LRMDA: variants seen among roughly 807,000 people sequenced by gnomAD.
The protein encoded by LRMDA is leucine rich melanocyte differentiation associated, also known as leucine-rich melanocyte differentiation-associated protein.
LRMDA carries 18 observed loss-of-function variants against 29.8 expected under a neutral mutation model. That is an observed-to-expected ratio of 0.60 (90% CI 0.42 to 0.90). LRMDA has a LOEUF of 0.90. LRMDA is among the 40% of genes least tolerant of loss of function. LRMDA has a pLI of 0.00. For synonymous variants in LRMDA, 125 were observed against 109.4 expected (o/e 1.14, Z -0.89); for missense variants, 273 against 273.9 (o/e 1.00, Z 0.02).
At chr10:76,292,436 A>T (rs1383746310) in intron 5 of LRMDA, among the ~76,000 whole-genome samples, 1 of 152,046 alleles carries the variant, frequency 6.6e-6, no homozygotes, top group Non-Finnish European at 1.5e-5. Context: ...TGTTGCTTCC[A>T]GTTCACAGGG....
At chr10:76,410,306 T>C (rs886746088) in intron 6 of LRMDA, among the ~76,000 whole-genome samples, 3 of 127,414 alleles carry the variant, frequency 2.4e-5, no homozygotes, top group African/African-American at 6.0e-5. Context: ...TTCTTTTTTT[T>C]TTTTTTTTTT....
chr10:75,438,389 T>C lies in LRMDA; in HGVS notation c.31-5T>C. 1.3e-6 allele frequency: 2 copies of C among 1,549,572 alleles called. No individual in the cohort carries two copies. On this transcript the variant is annotated splice_region_variant and splice_polypyrimidine_tract_variant and intron_variant, in intron 1 of 6. Coordinates refer to ENST00000611255, the MANE Select transcript of LRMDA (RefSeq NM_001305581.2). Reference sequence around the variant, plus strand: ...CACATTGTTTCTGTTCCATTTAATTTCCAGGTGTCCTACATAGGCCAGGAC... The same window carrying C: ...CACATTGTTTCTGTTCCATTTAATTCCCAGGTGTCCTACATAGGCCAGGAC...
At chr10:75,590,287 G>A (rs968055836) in intron 2 of LRMDA, among the ~76,000 whole-genome samples, 3 of 152,084 alleles carry the variant, frequency 2.0e-5, no homozygotes, top group Non-Finnish European at 4.4e-5. Context: ...CCAAAGTTCT[G>A]GGATTACAGG....
intron 2 of LRMDA, among the ~76,000 whole-genome samples, chr10:76,032,889 G>T (rs575723592): frequency 1.5e-4 from 23 of 152,216 alleles, no homozygotes; most frequent in African/African-American, 5.3e-4. Context: ...CTCCACCGGG[G>T]ATCTGGTTTT....
At chr10:75,807,801 A>G (rs771438894) in intron 2 of LRMDA, among the ~76,000 whole-genome samples, 1 of 152,222 alleles carries the variant, frequency 6.6e-6, no homozygotes, top group Non-Finnish European at 1.5e-5. Context: ...TTGATTCTAA[A>G]TAGGGAGTGT....
intron 2 of LRMDA, among the ~76,000 whole-genome samples, chr10:75,550,111 GA>G (rs1840124187): frequency 1.3e-5 from 2 of 152,148 alleles, no homozygotes; most frequent in African/African-American, 4.8e-5. Context: ...CATTTGCTCA[GA>G]AACTAGTCTG....
intron 5 of LRMDA, among the ~76,000 whole-genome samples, chr10:76,264,286 A>G (rs1266440311): frequency 2.0e-5 from 3 of 151,786 alleles, no homozygotes; most frequent in Non-Finnish European, 2.9e-5. Flanking sequence ...TGTAGTCTGT[A>G]GTCCCAGCTA....
chr10:75,602,661 G>A (rs1460932704), intron 2 of LRMDA, among the ~76,000 whole-genome samples: 1 of 152,140 alleles, frequency 6.6e-6, no homozygotes, highest in Non-Finnish European at 1.5e-5. Context: ...TCTTTCAGAT[G>A]ACTTTCATGT....
chr10:75,687,290 G>A (rs1377302387), intron 2 of LRMDA, among the ~76,000 whole-genome samples: 2 of 152,182 alleles, frequency 1.3e-5, no homozygotes, highest in East Asian at 1.9e-4. Flanking sequence ...TGAAAGCAAA[G>A]GGAGAGTTCT....
chr10:76,289,478 T>C (rs765093800), intron 5 of LRMDA, among the ~76,000 whole-genome samples: 3 of 152,142 alleles, frequency 2.0e-5, no homozygotes, highest in Non-Finnish European at 4.4e-5. Flanking sequence ...TCCACAGACA[T>C]GGAGCATTTC....
intron 2 of LRMDA, among the ~76,000 whole-genome samples, chr10:75,722,043 G>A (rs1490030163): frequency 6.6e-6 from 1 of 152,044 alleles, no homozygotes; most frequent in Non-Finnish European, 1.5e-5. Context: ...TATAAAAAAT[G>A]GCCCAAATCC....
rs527484719 is a variant in LRMDA, at chr10:75,919,878, C to T, written c.132-116130C>T. On this transcript the variant is annotated intron_variant, in intron 2 of 6. Coordinates refer to ENST00000611255, the MANE Select transcript of LRMDA (RefSeq NM_001305581.2). ...GGGGCCTTCTGATGCTTCTCTGACA[C>T]GTCCGAGTAGGCAGCATTTTTTTTT... Among the ~76,000 whole-genome samples the T allele has an allele frequency of 3.5e-3, 535 of 152,216 alleles. 1 individual carries two copies. The highest frequency in any genetic ancestry group is 4.8e-3 in the Non-Finnish European group (326 of 68,014).
intron 6 of LRMDA, among the ~76,000 whole-genome samples, chr10:76,350,629 A>G (rs1331003579): frequency 2.0e-5 from 3 of 152,066 alleles, no homozygotes; most frequent in African/African-American, 7.2e-5. Flanking sequence ...CTGTATCTCT[A>G]GGAGAACAAG....
Position 75,927,148 on chromosome 10 carries a change from A to G in LRMDA, c.132-108860A>G, listed in dbSNP as rs141474763. Among the ~76,000 whole-genome samples the G allele has an allele frequency of 3.1e-3, 479 of 152,334 alleles. 5 individuals carry two copies. Among genetic ancestry groups the G allele is most frequent in the African/African-American group, 0.011 (463 of 41,566 alleles). ...TGCCTCAGCTCAGGGGTCTCCAGCG[A>G]TAGGGAATTCATTATACCCAGAAGC... On this transcript the variant is annotated intron_variant, in intron 2 of 6. Transcript: ENST00000611255.
intron 2 of LRMDA, among the ~76,000 whole-genome samples, chr10:75,682,449 GAGAC>G (rs774879842): frequency 2.7e-5 from 4 of 150,688 alleles, no homozygotes; most frequent in Non-Finnish European, 5.9e-5. Context: ...GTGTGTGTGT[GAGAC>G]AGACACACAC....
chr10:75,484,460 G>T (rs1589156771), intron 2 of LRMDA, among the ~76,000 whole-genome samples: 1 of 152,134 alleles, frequency 6.6e-6, no homozygotes, highest in South Asian at 2.1e-4. Context: ...AAAATTTTAA[G>T]ATTTTTGCAT....
chr10:76,015,077 G>A (rs1847858838), intron 2 of LRMDA, among the ~76,000 whole-genome samples: 1 of 152,216 alleles, frequency 6.6e-6, no homozygotes, highest in East Asian at 1.9e-4. Flanking sequence ...AGTTAGTTAA[G>A]TTTGATACCC....
intron 2 of LRMDA, among the ~76,000 whole-genome samples, chr10:75,516,979 T>G (rs1262736245): frequency 6.6e-6 from 1 of 152,162 alleles, no homozygotes; most frequent in Non-Finnish European, 1.5e-5. Context: ...TTTCTTGTTT[T>G]TGTCAGGTTT....
At chr10:75,860,575 GC>G (rs1237602137) in intron 2 of LRMDA, among the ~76,000 whole-genome samples, 2 of 152,078 alleles carry the variant, frequency 1.3e-5, no homozygotes, top group Non-Finnish European at 2.9e-5. Context: ...GTCCGCCTCG[GC>G]CTCCCAAAGT....
Sources: gnomAD v4.1 joint callset for allele counts (sites outside exome capture counted in the v4.1 genomes callset) on GRCh38, gnomAD v4.1.1 for gene constraint, MANE v1.5 for transcripts, NCBI Gene and HGNC (gene_info 2026-07-23, HGNC 2026-07-21) for gene names.